The following ADGRL3 variants were observed in gnomAD, a reference collection of about 807,000 sequenced individuals.
ADGRL3 encodes the protein adhesion G protein-coupled receptor L3, also known as calcium-independent alpha-latrotoxin receptor 3.
ADGRL3 carries 62 observed loss-of-function variants against 153.5 expected under a neutral mutation model. The ratio of observed to expected loss-of-function variants is 0.40; its 90% CI spans 0.33 to 0.50. The LOEUF is 0.50. Among genes scored for constraint, ADGRL3 ranks in the 20% least tolerant of loss-of-function variants. The pLI is 0.47. For synonymous variants in ADGRL3, 710 were observed against 672.5 expected, an observed-to-expected ratio of 1.06 and a Z score of -0.86; for missense variants, 1,641 against 1,859.4, an observed-to-expected ratio of 0.88 and a Z score of 2.16.
chr4:61,715,732 T>G lies in ADGRL3; in HGVS notation c.584-14890T>G, dbSNP rs1330547970. 3.9e-5 allele frequency among the ~76,000 whole-genome samples: 6 copies of G among 152,092 alleles called. No individual in the cohort carries two copies. The East Asian group carries it at 1.2e-3, about 29-fold the overall frequency. ...TCTGGTTTGATAAACATTTATTATT[T>G]TCTTTCCACTCTATTGCCATAACTA... On this transcript the variant is annotated intron_variant, in intron 6 of 26. Transcript: ENST00000683033.
At chr4:61,532,549 C>CGTGTGT (rs373230592) in intron 4 of ADGRL3, among the ~76,000 whole-genome samples, 1,940 of 103,606 alleles carry the variant, frequency 0.019, 19 homozygotes, top group South Asian at 0.041. Flanking sequence ...CGCGCGCGCG[C>CGTGTGT]GCGCGCGTGT....
intron 1 of ADGRL3, among the ~76,000 whole-genome samples, chr4:61,336,349 TG>T (rs2095673602): frequency 1.3e-5 from 2 of 152,302 alleles, no homozygotes; most frequent in African/African-American, 4.8e-5. Flanking sequence ...AGGAATGATT[TG>T]GTTGTTATCC....
At chr4:61,261,022 G>A (rs1028113554) in intron 1 of ADGRL3, among the ~76,000 whole-genome samples, 2 of 151,754 alleles carry the variant, frequency 1.3e-5, no homozygotes, top group African/African-American at 2.4e-5. Context: ...CAACACACTC[G>A]CCATTCTCAT....
At chr4:62,013,898 A>AT (rs35627844) in intron 21 of ADGRL3, among the ~76,000 whole-genome samples, 60,171 of 149,628 alleles carry the variant, frequency 0.4, 13,226 homozygotes, top group South Asian at 0.55. Flanking sequence ...AAAAAAAAAA[A>AT]TTTTTTTTTT....
At chr4:61,437,026 T>G (rs1391397782) in intron 2 of ADGRL3, among the ~76,000 whole-genome samples, 2 of 152,160 alleles carry the variant, frequency 1.3e-5, no homozygotes, top group Non-Finnish European at 2.9e-5. Flanking sequence ...TTATAATGCA[T>G]AGATATCTAA....
At chr4:61,784,818 A>G (rs1360768805) in intron 8 of ADGRL3, among the ~76,000 whole-genome samples, 2 of 152,118 alleles carry the variant, frequency 1.3e-5, no homozygotes, top group Non-Finnish European at 2.9e-5. Context: ...AGATGAGGGT[A>G]TTTAGCTAAT....
At chr4:61,560,333 C>T (rs1320722255) in intron 4 of ADGRL3, among the ~76,000 whole-genome samples, 1 of 152,030 alleles carries the variant, frequency 6.6e-6, no homozygotes, top group Non-Finnish European at 1.5e-5. Flanking sequence ...TTTTATGCAC[C>T]TAGAAGTCAC....
chr4:61,312,128 C>A (rs768550967), intron 1 of ADGRL3, among the ~76,000 whole-genome samples: 3 of 152,082 alleles, frequency 2.0e-5, no homozygotes, highest in Non-Finnish European at 4.4e-5. Context: ...ATATAGTCAA[C>A]TGATCATTGA....
intron 21 of ADGRL3, among the ~76,000 whole-genome samples, chr4:62,016,733 G>T (rs946587837): frequency 2.0e-5 from 3 of 151,898 alleles, no homozygotes; most frequent in African/African-American, 7.3e-5. Flanking sequence ...CAATATGTTT[G>T]TCTTTTTTAA....
intron 5 of ADGRL3, among the ~76,000 whole-genome samples, chr4:61,635,849 C>T (rs1432375543): frequency 6.6e-6 from 1 of 152,016 alleles, no homozygotes; most frequent in Non-Finnish European, 1.5e-5. Context: ...GTCTTTCCCT[C>T]TGTGTGTATA....
intron 2 of ADGRL3, among the ~76,000 whole-genome samples, chr4:61,474,742 T>C (rs2098022239): frequency 6.6e-6 from 1 of 152,126 alleles, no homozygotes; most frequent in Non-Finnish European, 1.5e-5. Flanking sequence ...AAGGCACATA[T>C]ATCTCAAAGC....
At chr4:61,490,533 A>T (rs1197963225) in intron 2 of ADGRL3, among the ~76,000 whole-genome samples, 1 of 152,144 alleles carries the variant, frequency 6.6e-6, no homozygotes, top group Non-Finnish European at 1.5e-5. Flanking sequence ...ATTAAAGAAG[A>T]TGATTGAAAG....
chr4:61,952,809 G>T (rs2098952324), intron 17 of ADGRL3, among the ~76,000 whole-genome samples: 1 of 152,140 alleles, frequency 6.6e-6, no homozygotes, highest in South Asian at 2.1e-4. Context: ...AATCAAATTT[G>T]AGGCAGCAAC....
chr4:62,063,151 T>G (rs773383857), intron 25 of ADGRL3, among the ~76,000 whole-genome samples: 2 of 152,082 alleles, frequency 1.3e-5, no homozygotes, highest in South Asian at 2.1e-4. Context: ...GCTTTTGTTT[T>G]GTGTTTTGTG....
chr4:61,794,964 C>T (rs1250480738), intron 8 of ADGRL3, among the ~76,000 whole-genome samples: 1 of 152,218 alleles, frequency 6.6e-6, no homozygotes, highest in East Asian at 1.9e-4. Flanking sequence ...AACCTCTTTT[C>T]ATGCCTAAGC....
At position 61,406,703 on chromosome 4, in the gene ADGRL3, T is replaced by C. The variant is rs17090454; in HGVS notation, c.-174+23514T>C. Among the ~76,000 whole-genome samples the C allele has an allele frequency of 5.4e-3, 818 of 152,130 alleles. 10 individuals carry two copies. Among genetic ancestry groups the C allele is most frequent in the African/African-American group, 0.019 (770 of 41,558 alleles). ...CATTTGAAATATTCCACATTCGTGT[T>C]TGGAGAGGCAAGGGTAGCTCAGATA... On this transcript the variant is annotated intron_variant, in intron 2 of 26. Coordinates refer to ENST00000683033, the MANE Select transcript of ADGRL3 (RefSeq NM_001387552.1).
chr4:62,051,168 GTA>G (rs35250485), intron 25 of ADGRL3, among the ~76,000 whole-genome samples: 79,431 of 139,004 alleles, frequency 0.57, 22,923 homozygotes, highest in East Asian at 0.93. Flanking sequence ...GTGTGTGTGT[GTA>G]TATATATATA....
At chr4:61,459,331 G>T (rs1292532696) in intron 2 of ADGRL3, among the ~76,000 whole-genome samples, 1 of 151,716 alleles carries the variant, frequency 6.6e-6, no homozygotes, top group Non-Finnish European at 1.5e-5. Flanking sequence ...AAATAGATTA[G>T]AAATAAAATA....
intron 2 of ADGRL3, among the ~76,000 whole-genome samples, chr4:61,408,909 C>T (rs1470956430): frequency 2.6e-5 from 4 of 151,630 alleles, no homozygotes; most frequent in Non-Finnish European, 5.9e-5. Flanking sequence ...TTCAAATAAA[C>T]ATCAGAAATA....
Sources: allele counts gnomAD v4.1 joint callset (sites outside exome capture counted in the v4.1 genomes callset), GRCh38; gene constraint gnomAD v4.1.1; transcripts MANE v1.5; gene names NCBI Gene and HGNC (gene_info 2026-07-23, HGNC 2026-07-21).